The following LOXHD1 variants were observed in gnomAD, a reference collection of about 807,000 sequenced individuals.
The protein encoded by LOXHD1 is lipoxygenase homology domain-containing protein 1.
In LOXHD1, 205 loss-of-function variants were observed where a neutral mutation model predicts 248.2. The ratio of observed to expected loss-of-function variants is 0.83; its 90% CI spans 0.74 to 0.93. LOXHD1 has a LOEUF of 0.93. LOXHD1 is among the 40% of genes least tolerant of loss of function. The probability of loss-of-function intolerance (pLI) is 0.00; values close to 1 mark genes in which losing one functional copy is unlikely to be tolerated. For missense variants in LOXHD1, 2,930 were observed against 2,971.6 expected, an observed-to-expected ratio of 0.99 and a Z score of 0.33; for synonymous variants, 1,113 against 1,162.8, an observed-to-expected ratio of 0.96 and a Z score of 0.87.
chr18:46,581,163 G>A (rs1158800756), intron 12 of LOXHD1, among the ~76,000 whole-genome samples: 1 of 152,194 alleles, frequency 6.6e-6, no homozygotes, highest in Non-Finnish European at 1.5e-5. Context: ...AGGTCAGTTA[G>A]CAGAATAATT....
In LOXHD1 at chr18:46,647,884, C is replaced by T. The variant is rs569238814; in HGVS notation, c.245+1271G>A. On this transcript the variant is annotated intron_variant, in intron 2 of 40. Transcript: ENST00000642948. ...CCAGGATGTCTTAAGGAGCATCTTC[C>T]TGGGACACACTCCCTTAAGGAGCAC... Among the ~76,000 whole-genome samples, 3 of 152,276 alleles carry T rather than the reference C, an allele frequency of 2.0e-5. No individual in the cohort carries two copies. In the East Asian group the frequency reaches 5.8e-4, roughly 29 times the overall value.
chr18:46,542,061 T>A, intron 24 of LOXHD1, 121 bp from the exon 25 acceptor site: 1 of 896,192 alleles, frequency 1.1e-6, no homozygotes, highest in Non-Finnish European at 1.6e-6. Flanking sequence ...TAACATGACA[T>A]CCCTTTTGCT....
chr18:46,639,886 A>G (rs1040897311), intron 3 of LOXHD1, 86 bp from the exon 4 acceptor site: 6 of 1,453,454 alleles, frequency 4.1e-6, no homozygotes, highest in Non-Finnish European at 5.6e-6. Flanking sequence ...TGTTTACTCC[A>G]AAGAGAGGTC....
At chr18:46,569,399 A>G in intron 16 of LOXHD1, 43 bp downstream of exon 16, 1 of 1,511,606 alleles carries the variant, frequency 6.6e-7, no homozygotes, top group Non-Finnish European at 9.0e-7. Flanking sequence ...TGTGTTCGGA[A>G]ATGGGTGGGA....
chr18:46,626,226 C>T (rs1028357436), intron 4 of LOXHD1, among the ~76,000 whole-genome samples: 1 of 152,152 alleles, frequency 6.6e-6, no homozygotes, highest in African/African-American at 2.4e-5. Flanking sequence ...ATATATTCTC[C>T]CATTCATGGA....
chr18:46,606,839 T>C lies in LOXHD1; in HGVS notation c.760-2610A>G, dbSNP rs1026763693. On this transcript the variant is annotated intron_variant, in intron 6 of 40. Coordinates refer to ENST00000642948, the MANE Select transcript of LOXHD1 (RefSeq NM_001384474.1). ...CAAAGGAGATTGGTTTAATAAGTCA[T>C]GGTAGATCTAAAACACTTATTTCCA... Among the ~76,000 whole-genome samples, 6 of 152,178 alleles carry C rather than the reference T, an allele frequency of 3.9e-5. No individual in the cohort carries two copies. In the East Asian group the frequency reaches 1.2e-3, roughly 29 times the overall value.
At chr18:46,517,452 G>A (rs912632593) in intron 34 of LOXHD1, among the ~76,000 whole-genome samples, 4 of 152,098 alleles carry the variant, frequency 2.6e-5, no homozygotes, top group Non-Finnish European at 4.4e-5. Context: ...TAATAATTGG[G>A]TTATTATTAT....
chr18:46,501,791 A>T (rs1383648073), intron 37 of LOXHD1, among the ~76,000 whole-genome samples: 1 of 152,236 alleles, frequency 6.6e-6, no homozygotes, highest in Non-Finnish European at 1.5e-5. Context: ...TTGATTTGTT[A>T]ACAGAAATAA....
intron 4 of LOXHD1, among the ~76,000 whole-genome samples, chr18:46,626,154 A>C (rs1057242508): frequency 1.3e-5 from 2 of 152,218 alleles, no homozygotes; most frequent in Admixed American, 1.3e-4. Context: ...CAGCATTGTT[A>C]ATACTGACAA....
intron 5 of LOXHD1, among the ~76,000 whole-genome samples, chr18:46,612,221 C>T (rs778925880): frequency 3.2e-4 from 48 of 152,296 alleles, no homozygotes; most frequent in African/African-American, 7.2e-4. Context: ...TCTCCTACTG[C>T]ACATTTGTAA....
chr18:46,574,315 A>C (rs1399679915), intron 14 of LOXHD1, among the ~76,000 whole-genome samples: 1 of 151,744 alleles, frequency 6.6e-6, no homozygotes, highest in Non-Finnish European at 1.5e-5. Context: ...AGATGTTGCT[A>C]AAAGGATAAG....
At chr18:46,501,559 T>C (rs1232097708) in intron 37 of LOXHD1, among the ~76,000 whole-genome samples, 2 of 152,216 alleles carry the variant, frequency 1.3e-5, no homozygotes, top group East Asian at 3.8e-4. Flanking sequence ...ATGAGTTAAA[T>C]GTTAATGAAC....
intron 5 of LOXHD1, among the ~76,000 whole-genome samples, chr18:46,615,177 A>C (rs1180385844): frequency 1.3e-5 from 2 of 152,154 alleles, no homozygotes; most frequent in African/African-American, 4.8e-5. Context: ...GCAGAAGAGG[A>C]CCAAAGGCAA....
intron 21 of LOXHD1, among the ~76,000 whole-genome samples, chr18:46,551,352 C>G (rs2037097480): frequency 6.6e-6 from 1 of 150,954 alleles, no homozygotes; most frequent in African/African-American, 2.4e-5. Context: ...ATCCACCCAC[C>G]CTGGCCTCCC....
chr18:46,492,293 C>T (rs1568086585), intron 37 of LOXHD1, among the ~76,000 whole-genome samples: 1 of 152,142 alleles, frequency 6.6e-6, no homozygotes, highest in Non-Finnish European at 1.5e-5. Context: ...TCTCATGCTG[C>T]TGTGAAGAAA....
intron 23 of LOXHD1, among the ~76,000 whole-genome samples, chr18:46,543,471 G>GT (rs980740297): frequency 6.6e-6 from 1 of 152,038 alleles, no homozygotes; most frequent in Non-Finnish European, 1.5e-5. Context: ...AGAACATGAG[G>GT]TTTTTTTACA....
At chr18:46,492,296 T>G (rs1332347289) in intron 37 of LOXHD1, among the ~76,000 whole-genome samples, 2 of 152,196 alleles carry the variant, frequency 1.3e-5, no homozygotes, top group Non-Finnish European at 2.9e-5. Flanking sequence ...CATGCTGCTG[T>G]GAAGAAATAC....
chr18:46,595,740 C>T (rs1229284836), intron 8 of LOXHD1, among the ~76,000 whole-genome samples: 1 of 152,146 alleles, frequency 6.6e-6, no homozygotes, highest in African/African-American at 2.4e-5. Context: ...TGGAGAGCAT[C>T]CTCGACAAGT....
intron 1 of LOXHD1, among the ~76,000 whole-genome samples, chr18:46,656,423 C>T (rs1338450155): frequency 1.3e-5 from 2 of 152,138 alleles, no homozygotes; most frequent in Non-Finnish European, 1.5e-5. Flanking sequence ...CGGCCGCCTT[C>T]GACATATGGG....
Sources: gnomAD v4.1 joint callset for allele counts (sites outside exome capture counted in the v4.1 genomes callset) on GRCh38, gnomAD v4.1.1 for gene constraint, MANE v1.5 for transcripts, NCBI Gene and HGNC (gene_info 2026-07-23, HGNC 2026-07-21) for gene names.